The following SV2C variants were observed in gnomAD, a reference collection of about 807,000 sequenced individuals.
The protein encoded by SV2C is solute carrier family 22 member B3.
A neutral mutation model predicts 79.7 loss-of-function variants in SV2C; 49 were observed. That is an observed-to-expected ratio of 0.61 (90% confidence interval 0.49 to 0.78). The LOEUF is 0.78. SV2C is among the 30% of genes least tolerant of loss of function. SV2C has a pLI of 0.00. For missense variants in SV2C, 833 were observed against 912.9 expected, an observed-to-expected ratio of 0.91 and a Z score of 1.13; for synonymous variants, 334 against 333.2, an observed-to-expected ratio of 1.00 and a Z score of -0.03.
intron 4 of SV2C, among the ~76,000 whole-genome samples, chr5:76,237,992 A>G (rs72773784): frequency 0.35 from 43,659 of 125,862 alleles, 6,599 homozygotes; most frequent in South Asian, 0.48. Flanking sequence ...ACACACACAC[A>G]TACATACATA....
chr5:76,119,728 A>AT (rs1748416969), intron 1 of SV2C, among the ~76,000 whole-genome samples: 1 of 152,130 alleles, frequency 6.6e-6, no homozygotes, highest in Non-Finnish European at 1.5e-5. Context: ...AAAACAAAAA[A>AT]CAAAACAAAA....
At chr5:76,351,604 G>A (rs1453869608) in intron 12 of SV2C, among the ~76,000 whole-genome samples, 1 of 152,138 alleles carries the variant, frequency 6.6e-6, no homozygotes, top group Non-Finnish European at 1.5e-5. Context: ...GTCTCAGCAG[G>A]GAATTGCTTC....
At chr5:75,922,110 C>T in the SV2C span, among the ~76,000 whole-genome samples, 1 of 152,016 alleles carries the variant, frequency 6.6e-6, no homozygotes, top group South Asian at 2.1e-4. Context: ...GTATAGTTTA[C>T]ATATATTTTA....
intron 1 of SV2C, among the ~76,000 whole-genome samples, chr5:76,106,053 A>T (rs560178854): frequency 6.6e-6 from 1 of 152,092 alleles, no homozygotes; most frequent in Non-Finnish European, 1.5e-5. Flanking sequence ...TCTCCATTGG[A>T]TGTCTAATCA....
In SV2C at chr5:76,154,252, C is replaced by T. The variant is rs182253754; in HGVS notation, c.580+21922C>T. On this transcript the variant is annotated intron_variant, in intron 2 of 12. Transcript: ENST00000502798. ...CAGCTGTCAGTGCTAATGGTGTCCT[C>T]CAGGATCACTCAGCTTTAGTATCTG... 2.0e-4 allele frequency among the ~76,000 whole-genome samples: 31 copies of T among 152,324 alleles called. No individual in the cohort carries two copies. The South Asian group carries it at 2.3e-3, about 11-fold the overall frequency.
rs190609108 is a variant in SV2C, at chr5:76,252,970, T to G, written c.914-32192T>G. On this transcript the variant is annotated intron_variant, in intron 4 of 12. Transcript: ENST00000502798. Reference sequence around the variant, plus strand: ...ACAACTTTATTTTTTAGTTTAAAAATTATCAAAAATTGTGTAATACATATT... The same window carrying G: ...ACAACTTTATTTTTTAGTTTAAAAAGTATCAAAAATTGTGTAATACATATT... Among the ~76,000 whole-genome samples, 87 of 152,346 alleles carry G rather than the reference T, an allele frequency of 5.7e-4. 1 individual carries two copies. In the East Asian group the frequency reaches 0.016, roughly 28 times the overall value.
intron 3 of SV2C, among the ~76,000 whole-genome samples, chr5:76,202,252 C>T (rs115409469): frequency 0.01 from 1,571 of 152,176 alleles, 14 homozygotes; most frequent in Non-Finnish European, 0.018. Flanking sequence ...GTGCTTGCCG[C>T]GTGAGAGATG....
intron 4 of SV2C, among the ~76,000 whole-genome samples, chr5:76,222,619 T>G (rs901485911): frequency 1.3e-5 from 2 of 152,216 alleles, no homozygotes; most frequent in Admixed American, 6.5e-5. Flanking sequence ...GTTCCATGCT[T>G]TCGATGTTGT....
At chr5:76,077,486 G>A in the SV2C span, among the ~76,000 whole-genome samples, 5 of 152,180 alleles carry the variant, frequency 3.3e-5, no homozygotes, top group African/African-American at 4.8e-5. Flanking sequence ...ATAAGAGGGC[G>A]AGTAGGAAGG....
the SV2C span, among the ~76,000 whole-genome samples, chr5:75,950,386 T>A: frequency 1.1e-4 from 17 of 152,098 alleles, no homozygotes; most frequent in East Asian, 1.7e-3. Context: ...ATGGAGGGGA[T>A]GAATTAGGAA....
the SV2C span, among the ~76,000 whole-genome samples, chr5:75,915,611 A>T: frequency 6.6e-6 from 1 of 152,230 alleles, no homozygotes; most frequent in Non-Finnish European, 1.5e-5. Context: ...AAGCGTGAAA[A>T]TAAAAAGGAT....
chr5:75,939,134 T>C, the SV2C span, among the ~76,000 whole-genome samples: 2 of 152,190 alleles, frequency 1.3e-5, no homozygotes, highest in Non-Finnish European at 2.9e-5. Flanking sequence ...ATGTACCATA[T>C]ACTCCAGCCC....
At chr5:75,948,791 G>T in the SV2C span, among the ~76,000 whole-genome samples, 1 of 151,996 alleles carries the variant, frequency 6.6e-6, no homozygotes, top group African/African-American at 2.4e-5. Context: ...TAATCTTGGG[G>T]TGGGCTGTGG....
Position 76,295,799 on chromosome 5 carries a change from G to A in SV2C, c.1359G>A (p.Trp453Ter). 6.2e-7 allele frequency: 1 copy of A among 1,610,742 alleles called. No individual in the cohort carries two copies. The highest frequency in any genetic ancestry group is 8.5e-7 in the Non-Finnish European group (1 of 1,179,096). The part of the protein sequence containing the change: ...LSFGYYGLSV[W>*]FPDVIKPLQS... Reference sequence around the variant, plus strand: ...GCAGGTACTATGGATTATCCGTTTGGTTCCCTGATGTCATTAAACCTCTGC... The same window carrying A: ...GCAGGTACTATGGATTATCCGTTTGATTCCCTGATGTCATTAAACCTCTGC... The change falls in exon 9 of 13, where the codon TGG (tryptophan) becomes TGA (stop). Residue 453 changes from tryptophan (W) to a stop codon, truncating the protein, a stop_gained. Coordinates refer to ENST00000502798, the MANE Select transcript of SV2C (RefSeq NM_014979.4). LOFTEE classifies it high-confidence loss of function.
intron 1 of SV2C, among the ~76,000 whole-genome samples, chr5:76,119,258 T>C (rs1748396349): frequency 6.6e-6 from 1 of 152,234 alleles, no homozygotes; most frequent in Non-Finnish European, 1.5e-5. Context: ...TGGGTCAAGA[T>C]GGTGGCTGAA....
In SV2C at chr5:76,325,633, A is replaced by G. The variant is rs1748972762; in HGVS notation, c.*86A>G. Reference sequence around the variant, plus strand: ...TGACTCAAGGCTTCAGAGTTTTCCTATATAGAAAGGTGATCAAGTATCAGA... The same window carrying G: ...TGACTCAAGGCTTCAGAGTTTTCCTGTATAGAAAGGTGATCAAGTATCAGA... On this transcript the variant is annotated 3_prime_UTR_variant, in exon 13 of 13. Coordinates refer to ENST00000502798, the MANE Select transcript of SV2C (RefSeq NM_014979.4). The G allele has an allele frequency of 3.2e-6, 5 of 1,545,386 alleles. No individual in the cohort carries two copies. Among genetic ancestry groups the G allele is most frequent in the African/African-American group, 1.4e-5 (1 of 72,378 alleles).
At chr5:76,215,070 G>C (rs1199366600) in intron 4 of SV2C, among the ~76,000 whole-genome samples, 1 of 152,154 alleles carries the variant, frequency 6.6e-6, no homozygotes, top group Non-Finnish European at 1.5e-5. Context: ...GAAATGACAA[G>C]AGTCTTCCTA....
the SV2C span, among the ~76,000 whole-genome samples, chr5:75,955,149 A>G: frequency 1.3e-5 from 2 of 151,570 alleles, no homozygotes; most frequent in East Asian, 1.9e-4. Flanking sequence ...AAACTATACT[A>G]CAAGGCTACA....
intron 2 of SV2C, among the ~76,000 whole-genome samples, chr5:76,185,416 T>C (rs1447207279): frequency 6.6e-6 from 1 of 152,228 alleles, no homozygotes; most frequent in Non-Finnish European, 1.5e-5. Flanking sequence ...TTTCCTTCCT[T>C]ACTACCTTAG....
Sources: allele counts gnomAD v4.1 joint callset (sites outside exome capture counted in the v4.1 genomes callset), GRCh38; gene constraint gnomAD v4.1.1; transcripts MANE v1.5; gene names NCBI Gene and HGNC (gene_info 2026-07-23, HGNC 2026-07-21).